The following PDK1 variants were observed in gnomAD, a reference collection of about 807,000 sequenced individuals.
PDK1 encodes pyruvate dehydrogenase kinase 1, also known as [Pyruvate dehydrogenase (acetyl-transferring)] kinase isozyme 1, mitochondrial.
In PDK1, 39 loss-of-function variants were observed where a neutral mutation model predicts 54.2. The observed-to-expected ratio is 0.72, with a 90% CI of 0.56 to 0.94. PDK1 has a LOEUF of 0.94. Ranked by LOEUF, PDK1 falls within the 40% of genes least tolerant of loss-of-function variation. The pLI is 0.00. For missense variants in PDK1, 552 were observed against 566.0 expected, an observed-to-expected ratio of 0.98 and a Z score of 0.25; for synonymous variants, 221 against 207.1, an observed-to-expected ratio of 1.07 and a Z score of -0.58.
At chr2:172,685,146 C>A in the PDK1 span, among the ~76,000 whole-genome samples, 3 of 152,184 alleles carry the variant, frequency 2.0e-5, no homozygotes, top group Non-Finnish European at 4.4e-5. Context: ...GTCATTTAAA[C>A]CCCTTTTCTG....
chr2:172,692,383 T>C, the PDK1 span, among the ~76,000 whole-genome samples: 3 of 152,220 alleles, frequency 2.0e-5, no homozygotes, highest in African/African-American at 7.2e-5. Flanking sequence ...GTTTGTCATG[T>C]ATTTTCAAAG....
chr2:172,564,686 C>T lies in PDK1; in HGVS notation c.594C>T (p.His198=). The T allele has an allele frequency of 6.2e-7, 1 of 1,610,386 alleles. No individual in the cohort carries two copies. The highest frequency in any genetic ancestry group is 8.5e-7 in the Non-Finnish European group (1 of 1,176,740). The change falls in exon 4 of 11, where the codon CAC becomes CAT. Residue 198 remains histidine (H), a splice_region_variant and synonymous_variant. Transcript: ENST00000282077. The part of the protein sequence containing the change: ...RISIRMLLNQ[H]SLLFGGKGKG... ...CAATTAGAATGTTACTCAATCAGCACTGTAAGTGTCCCTCATGAGTCAAGA... is the reference window on the plus strand; with the variant it reads ...CAATTAGAATGTTACTCAATCAGCATTGTAAGTGTCCCTCATGAGTCAAGA...
the PDK1 span, among the ~76,000 whole-genome samples, chr2:172,685,050 C>T: frequency 6.6e-6 from 1 of 152,180 alleles, no homozygotes; most frequent in Non-Finnish European, 1.5e-5. Context: ...TCTCCTGCCA[C>T]ATTGTAAAGA....
chr2:172,623,952 A>T, the PDK1 span, among the ~76,000 whole-genome samples: 1 of 152,284 alleles, frequency 6.6e-6, no homozygotes, highest in South Asian at 2.1e-4. Context: ...TAAAACTTAT[A>T]TAGCTTTGGT....
At chr2:172,571,158 A>T (rs1047946883) in intron 8 of PDK1, among the ~76,000 whole-genome samples, 4 of 152,144 alleles carry the variant, frequency 2.6e-5, no homozygotes, top group East Asian at 1.9e-4. Context: ...TATATAATTT[A>T]AAAAATTTTA....
the PDK1 span, among the ~76,000 whole-genome samples, chr2:172,651,207 C>T: frequency 6.6e-6 from 1 of 152,138 alleles, no homozygotes; most frequent in African/African-American, 2.4e-5. Flanking sequence ...AACTGAACAA[C>T]CTGCTCCTGA....
chr2:172,602,970 G>A lies in PDK1; in HGVS notation c.*7001G>A, dbSNP rs1462017879. The A allele has an allele frequency of 6.6e-6, 1 of 152,184 alleles. No individual in the cohort carries two copies. Among genetic ancestry groups the A allele is most frequent in the Non-Finnish European group, 1.5e-5 (1 of 68,040 alleles). 9.4% of individuals were successfully genotyped at this position (152,184 alleles called of 1,614,324 possible). A position where few individuals can be genotyped will look rare whatever the true frequency, so the allele number is the denominator to read the frequency against. On this transcript the variant is annotated 3_prime_UTR_variant, in exon 11 of 11. Transcript: ENST00000282077. ...TCTTGGATCAGGGTTGGCTTGATAA[G>A]GACTCACTTAACCAATGGAAAGTAA...
At chr2:172,566,545 T>G (rs537961759) in intron 5 of PDK1, among the ~76,000 whole-genome samples, 34 of 151,392 alleles carry the variant, frequency 2.2e-4, no homozygotes, top group African/African-American at 8.0e-4. Context: ...TGATCGAGAC[T>G]CCGTCTCAAA....
chr2:172,600,440 T>A lies in PDK1; in HGVS notation c.*4471T>A, dbSNP rs565764970. 17 of 152,216 alleles carry A rather than the reference T, an allele frequency of 1.1e-4. No homozygotes were observed. The highest frequency in any genetic ancestry group is 2.5e-4 in the Non-Finnish European group (17 of 68,046). The allele number at this position is 152,216 out of a possible 1,614,324, so 9.4% of individuals were successfully genotyped here. A position where few individuals can be genotyped will look rare whatever the true frequency, so the allele number is the denominator to read the frequency against. ...GTTTAATATGAACTATTTCTTTTCA[T>A]CTCTTTACTCTCAGTATCTCCATAA... On this transcript the variant is annotated 3_prime_UTR_variant, in exon 11 of 11. Transcript: ENST00000282077.
intron 8 of PDK1, among the ~76,000 whole-genome samples, chr2:172,577,872 C>T (rs1170143189): frequency 2.0e-5 from 3 of 152,082 alleles, no homozygotes; most frequent in Non-Finnish European, 2.9e-5. Context: ...AAAAAATATA[C>T]TCATATTTTC....
At chr2:172,724,020 T>C in the PDK1 span, 24 of 152,366 alleles carry the variant, frequency 1.6e-4, 3 homozygotes, top group African/African-American at 5.3e-4. Context: ...AATATTATAT[T>C]ATATCCTAAC....
chr2:172,698,423 C>T, the PDK1 span, among the ~76,000 whole-genome samples: 1 of 152,200 alleles, frequency 6.6e-6, no homozygotes, highest in South Asian at 2.1e-4. Context: ...TCCTCAGCAA[C>T]GTCTGGTCTT....
intron 3 of PDK1, 56 bp downstream of exon 3, chr2:172,562,347 A>G (rs576313316): frequency 9.3e-7 from 1 of 1,070,568 alleles, no homozygotes; most frequent in East Asian, 2.4e-5. Flanking sequence ...ACTTGGGGGA[A>G]ATTGGTTAAC....
rs1014992215 is a variant in PDK1, at chr2:172,598,759, A to G, written c.*2790A>G. On this transcript the variant is annotated 3_prime_UTR_variant, in exon 11 of 11. Coordinates refer to ENST00000282077, the MANE Select transcript of PDK1 (RefSeq NM_002610.5). ...TATTATTTTATAAAATGTTTTCTGT[A>G]TGGCAATAAACTGAAAACATGGATC... 2.0e-5 allele frequency: 3 copies of G among 152,216 alleles called. No homozygotes were observed. The highest frequency in any genetic ancestry group is 2.9e-5 in the Non-Finnish European group (2 of 68,024). The allele number at this position is 152,216 out of a possible 1,614,324, so 9.4% of individuals were successfully genotyped here.
In PDK1 at chr2:172,565,029, T is replaced by C. The variant is rs1343085223; in HGVS notation, c.647T>C (p.Ile216Thr). The C allele has an allele frequency of 2.5e-6, 4 of 1,612,300 alleles. No individual in the cohort carries two copies. Among genetic ancestry groups the C allele is most frequent in the African/African-American group, 2.7e-5 (2 of 74,894 alleles). Residue 216 changes from isoleucine to threonine, a missense_variant, in exon 5 of 11, where the codon ATT (isoleucine) becomes ACT (threonine). Transcript: ENST00000282077. ...GKGSPSHRKH[I>T]GSINPNCNVL... ...GGAAGTCCATCTCATCGAAAACACA[T>C]TGGAAGCATAAATCCAAACTGCAAT...
intron 8 of PDK1, among the ~76,000 whole-genome samples, chr2:172,585,681 T>C (rs1690183904): frequency 6.6e-6 from 1 of 152,144 alleles, no homozygotes; most frequent in Non-Finnish European, 1.5e-5. Context: ...ACATACAAGA[T>C]AGGGTTAACT....
Position 172,595,710 on chromosome 2 carries a change from A to G in PDK1, c.1171-119A>G. 6 of 729,386 alleles carry G rather than the reference A, an allele frequency of 8.2e-6. No individual in the cohort carries two copies. In the South Asian group the frequency reaches 1.2e-4, roughly 14 times the overall value. 45.2% of individuals were successfully genotyped at this position (729,386 alleles called of 1,614,324 possible). A position where few individuals can be genotyped will look rare whatever the true frequency, so the allele number is the denominator to read the frequency against. On this transcript the variant is annotated intron_variant, in intron 10 of 10. Coordinates refer to ENST00000282077, the MANE Select transcript of PDK1 (RefSeq NM_002610.5). ...GTATATTTAGGTGGTATAAGGATTA[A>G]TAAGATACTAATAGAATATTATTTA...
the PDK1 span, among the ~76,000 whole-genome samples, chr2:172,618,958 C>A: frequency 6.6e-6 from 1 of 152,108 alleles, no homozygotes; most frequent in Non-Finnish European, 1.5e-5. Flanking sequence ...CAGCTAATAT[C>A]CCCAGCAGCT....
chr2:172,648,841 G>A, the PDK1 span, among the ~76,000 whole-genome samples: 3 of 152,168 alleles, frequency 2.0e-5, no homozygotes, highest in Admixed American at 6.5e-5. Context: ...CAGGAAGCTC[G>A]AACTGGGTGA....
Sources: allele counts gnomAD v4.1 joint callset (sites outside exome capture counted in the v4.1 genomes callset), GRCh38; gene constraint gnomAD v4.1.1; transcripts MANE v1.5; gene names NCBI Gene and HGNC (gene_info 2026-07-23, HGNC 2026-07-21).